LAMA2: variants seen among roughly 807,000 people sequenced by gnomAD.
LAMA2 encodes the protein laminin subunit alpha-2.
A neutral mutation model predicts 364.8 loss-of-function variants in LAMA2; 269 were observed. The observed-to-expected ratio is 0.74, with a 90% CI of 0.67 to 0.82. The LOEUF is 0.82. LAMA2 is among the 40% of genes least tolerant of loss of function. The pLI is 0.00. For synonymous variants in LAMA2, 1,379 were observed against 1,370.6 expected, an observed-to-expected ratio of 1.01 and a Z score of -0.14; for missense variants, 3,807 against 3,873.2, an observed-to-expected ratio of 0.98 and a Z score of 0.45.
Position 129,343,752 on chromosome 6 carries a change from G to C in LAMA2, c.4436+1285G>C, listed in dbSNP as rs118109049. On this transcript the variant is annotated intron_variant, in intron 30 of 64. Coordinates refer to ENST00000421865, the MANE Select transcript of LAMA2 (RefSeq NM_000426.4). ...GCTCACTGTAAAACCTGTGTGTTAA[G>C]GGGTATCAACTTAAATGTAAAGAAA... is the stretch of plus-strand genomic sequence containing the variant. Among the ~76,000 whole-genome samples, 1,518 of 152,192 alleles carry C rather than the reference G, an allele frequency of 1.0e-2. 10 individuals are homozygous for C. The highest frequency in any genetic ancestry group is 0.015 in the Non-Finnish European group (1,051 of 68,008).
At chr6:129,460,980 C>T (rs1043689361) in intron 49 of LAMA2, among the ~76,000 whole-genome samples, 1 of 151,926 alleles carries the variant, frequency 6.6e-6, no homozygotes, top group Non-Finnish European at 1.5e-5. Context: ...AAATATTTAA[C>T]ATCCTATCAT....
Position 128,912,520 on chromosome 6 carries a change from TGTTA to T in LAMA2, c.112+29167_112+29170del, listed in dbSNP as rs371406013. ...CTTTTAAAGCAGGGTATTATTCATT[TGTTA>T]GTTGTTTAAAATCTACTATAATTAT... is the stretch of plus-strand genomic sequence containing the variant. On this transcript the variant is annotated intron_variant, in intron 1 of 64. Transcript: ENST00000421865. 2.8e-3 allele frequency among the ~76,000 whole-genome samples: 422 copies of T among 152,330 alleles called. 4 individuals are homozygous for T. The highest frequency in any genetic ancestry group is 4.1e-3 in the Non-Finnish European group (277 of 68,024).
chr6:129,175,939 TTTGC>T (rs1422831323), intron 9 of LAMA2, among the ~76,000 whole-genome samples: 2 of 152,160 alleles, frequency 1.3e-5, no homozygotes, highest in East Asian at 3.8e-4. Flanking sequence ...ACCGTTTCCT[TTTGC>T]TTGCTTTTCT....
intron 43 of LAMA2, chr6:129,442,264 A>G (rs1441969908): frequency 7.8e-7 from 1 of 1,280,740 alleles, no homozygotes; most frequent in East Asian, 5.4e-5. Context: ...GACATTATTA[A>G]TACGACTCCT....
At chr6:129,254,975 C>T (rs1786536612) in intron 14 of LAMA2, among the ~76,000 whole-genome samples, 1 of 152,028 alleles carries the variant, frequency 6.6e-6, no homozygotes, top group African/African-American at 2.4e-5. Context: ...TTTCTCTAAT[C>T]CTGGAGGGTA....
intron 45 of LAMA2, among the ~76,000 whole-genome samples, chr6:129,447,144 A>C (rs1312657710): frequency 6.6e-6 from 1 of 152,246 alleles, no homozygotes; most frequent in African/African-American, 2.4e-5. Flanking sequence ...CGTAAGGTAC[A>C]CAAAGACGAA....
At chr6:129,385,924 T>G (rs1227007084) in intron 35 of LAMA2, among the ~76,000 whole-genome samples, 1 of 152,138 alleles carries the variant, frequency 6.6e-6, no homozygotes, top group Non-Finnish European at 1.5e-5. Flanking sequence ...TTACTTACCT[T>G]TATAGATACT....
chr6:129,320,262 AGAG>A (rs1306938516), intron 27 of LAMA2, among the ~76,000 whole-genome samples: 1 of 152,172 alleles, frequency 6.6e-6, no homozygotes, highest in Non-Finnish European at 1.5e-5. Flanking sequence ...AGCAGACTAA[AGAG>A]GAGGAGGAAG....
At chr6:129,064,643 C>T (rs1467543467) in intron 3 of LAMA2, among the ~76,000 whole-genome samples, 1 of 152,036 alleles carries the variant, frequency 6.6e-6, no homozygotes, top group African/African-American at 2.4e-5. Flanking sequence ...CTACTCTCAA[C>T]AATTATATGC....
At chr6:128,896,289 A>G (rs1776766962) in intron 1 of LAMA2, among the ~76,000 whole-genome samples, 1 of 152,014 alleles carries the variant, frequency 6.6e-6, no homozygotes, top group Non-Finnish European at 1.5e-5. Context: ...CAGATTTTGT[A>G]TTTAACAGAC....
At chr6:129,052,016 T>TAG (rs1788085880) in intron 2 of LAMA2, among the ~76,000 whole-genome samples, 20 of 146,626 alleles carry the variant, frequency 1.4e-4, no homozygotes, top group Admixed American at 6.8e-4. Context: ...TATATATATG[T>TAG]AGAGAGAGAG....
chr6:129,303,764 CT>C (rs1295407448), intron 22 of LAMA2, among the ~76,000 whole-genome samples: 1 of 152,112 alleles, frequency 6.6e-6, no homozygotes. Flanking sequence ...ATTAATCCTG[CT>C]TGGCCATGGG....
intron 36 of LAMA2, among the ~76,000 whole-genome samples, chr6:129,392,070 C>CAT (rs1351041492): frequency 6.6e-6 from 1 of 152,162 alleles, no homozygotes. Flanking sequence ...CTTTACCATT[C>CAT]ATATATTGGC....
chr6:128,908,294 T>A (rs1020115890), intron 1 of LAMA2, among the ~76,000 whole-genome samples: 3 of 152,254 alleles, frequency 2.0e-5, no homozygotes, highest in Admixed American at 2.0e-4. Flanking sequence ...AAGCTATTGA[T>A]TATTGTCACA....
chr6:129,282,154 G>T (rs1788764545), intron 18 of LAMA2, among the ~76,000 whole-genome samples: 1 of 152,152 alleles, frequency 6.6e-6, no homozygotes, highest in South Asian at 2.1e-4. Flanking sequence ...CTGGAATAAA[G>T]AATTCTGTGA....
rs368263792 is a variant in LAMA2, at chr6:129,514,063, T to C, written c.8989-310T>C. On this transcript the variant is annotated intron_variant, in intron 63 of 64. Transcript: ENST00000421865. ...ACGTGAGGTAGAATTTTTCCCTGTGTACACTAGGTCCTTTTCTTGTCACCT... is the reference window on the plus strand; with the variant it reads ...ACGTGAGGTAGAATTTTTCCCTGTGCACACTAGGTCCTTTTCTTGTCACCT... Among the ~76,000 whole-genome samples, 38 of 152,344 alleles carry C rather than the reference T, an allele frequency of 2.5e-4. No individual in the cohort carries two copies. In the East Asian group the frequency reaches 4.4e-3, roughly 18 times the overall value.
chr6:128,965,979 GTT>G (rs11342050), intron 1 of LAMA2, among the ~76,000 whole-genome samples: 387 of 112,790 alleles, frequency 3.4e-3, no homozygotes, highest in African/African-American at 0.012. Flanking sequence ...TAAACCAGAG[GTT>G]TTTTTTTTTT....
chr6:129,425,171 T>C (rs1268416101), intron 40 of LAMA2, among the ~76,000 whole-genome samples: 1 of 152,066 alleles, frequency 6.6e-6, no homozygotes, highest in Non-Finnish European at 1.5e-5. Flanking sequence ...GGATATATTC[T>C]CTACCATGGT....
At chr6:129,010,651 C>A (rs575857674) in intron 1 of LAMA2, among the ~76,000 whole-genome samples, 1 of 152,330 alleles carries the variant, frequency 6.6e-6, no homozygotes, top group Admixed American at 6.5e-5. Context: ...GGGAGAAGCA[C>A]TGAAGAATTA....
Sources: allele counts gnomAD v4.1 joint callset (sites outside exome capture counted in the v4.1 genomes callset), GRCh38; gene constraint gnomAD v4.1.1; transcripts MANE v1.5; gene names NCBI Gene and HGNC (gene_info 2026-07-23, HGNC 2026-07-21).